The following CALB1 variants were observed in gnomAD, a reference collection of about 807,000 sequenced individuals.
CALB1 encodes calbindin 1.
In CALB1, 16 loss-of-function variants were observed where a neutral mutation model predicts 46.7. That is an observed-to-expected ratio of 0.34 (90% CI 0.23 to 0.52). The LOEUF (loss-of-function observed/expected upper bound fraction) is 0.52. Among genes scored for constraint, CALB1 ranks in the 20% least tolerant of loss-of-function variants. The probability of loss-of-function intolerance (pLI) is 0.95; values close to 1 mark genes in which losing one functional copy is unlikely to be tolerated. For missense variants in CALB1, 224 were observed against 300.3 expected (o/e 0.75, Z 1.88); for synonymous variants, 90 against 112.8 (o/e 0.80, Z 1.28).
intron 3 of CALB1, among the ~76,000 whole-genome samples, chr8:90,071,081 CACTT>C (rs1814506900): frequency 1.3e-5 from 2 of 152,114 alleles, no homozygotes; most frequent in Admixed American, 6.5e-5. Context: ...GACTGAAAAT[CACTT>C]TAATTTGGTG....
At chr8:90,072,314 A>G (rs1440380820) in intron 3 of CALB1, among the ~76,000 whole-genome samples, 3 of 152,218 alleles carry the variant, frequency 2.0e-5, no homozygotes, top group African/African-American at 7.2e-5. Flanking sequence ...CAGAGATAGT[A>G]AAAATGCTCT....
At chr8:90,071,710 A>G (rs1280734977) in intron 3 of CALB1, among the ~76,000 whole-genome samples, 1 of 152,216 alleles carries the variant, frequency 6.6e-6, no homozygotes, top group South Asian at 2.1e-4. Context: ...AATGGATGTT[A>G]TGTATACATT....
intron 9 of CALB1, 179 bp downstream of exon 9, chr8:90,062,921 G>A: frequency 2.0e-6 from 1 of 507,998 alleles, no homozygotes; most frequent in Non-Finnish European, 3.5e-6. Flanking sequence ...GAAATGACGA[G>A]TTACTCATCA....
intron 6 of CALB1, chr8:90,063,960 C>T (rs1814345745): frequency 6.5e-6 from 1 of 153,350 alleles, no homozygotes; most frequent in East Asian, 1.9e-4. Flanking sequence ...TAAAGCTCTC[C>T]AACTCTCCAC....
intron 2 of CALB1, among the ~76,000 whole-genome samples, chr8:90,080,107 G>A (rs777017577): frequency 3.3e-5 from 5 of 151,836 alleles, no homozygotes; most frequent in Non-Finnish European, 4.4e-5. Context: ...AATCCAGATT[G>A]TATTTACATT....
At chr8:90,060,555 A>G in intron 10 of CALB1, 74 bp downstream of exon 10, 1 of 1,145,940 alleles carries the variant, frequency 8.7e-7, no homozygotes, top group South Asian at 1.3e-5. Flanking sequence ...GATTTCCAAA[A>G]TGGATGTGCT....
At chr8:90,065,876 A>G in intron 6 of CALB1, 22 bp downstream of exon 6, 1 of 1,505,648 alleles carries the variant, frequency 6.6e-7, no homozygotes, top group Non-Finnish European at 9.2e-7. Context: ...CTTGGGTACA[A>G]TCTTTTCAAG....
In CALB1 at chr8:90,063,440, T is replaced by C. The variant is rs781583807; in HGVS notation, c.472A>G (p.Asn158Asp). The change falls in exon 7 of 11, where the codon AAT becomes GAT. Residue 158 changes from asparagine to aspartate, a missense_variant. Asn to Asp is a conservative substitution (Grantham distance 23). Coordinates refer to ENST00000265431, the MANE Select transcript of CALB1 (RefSeq NM_004929.4). ...TCAGTTAATTCCAGCTTCCCATCATTATTTGAATCAAATAGTTTCAGCTGA... is the reference window on the plus strand; with the variant it reads ...TCAGTTAATTCCAGCTTCCCATCATCATTTGAATCAAATAGTTTCAGCTGA... ...DLMLKLFDSN[N>D]DGKLELTEMA... 1 of 1,611,136 alleles carries C rather than the reference T, an allele frequency of 6.2e-7. No individual in the cohort carries two copies. Among genetic ancestry groups the C allele is most frequent in the Non-Finnish European group, 8.5e-7 (1 of 1,177,956 alleles).
chr8:90,061,406 T>G (rs938938563), intron 9 of CALB1: 2 of 152,142 alleles, frequency 1.3e-5, no homozygotes, highest in Non-Finnish European at 2.9e-5. Context: ...AGAACAAAAT[T>G]TTAAGGCATC....
intron 3 of CALB1, among the ~76,000 whole-genome samples, chr8:90,076,781 A>T (rs1027656409): frequency 6.6e-6 from 1 of 152,032 alleles, no homozygotes; most frequent in African/African-American, 2.4e-5. Context: ...TAGCGCTGAA[A>T]TAATAAGTCA....
At chr8:90,074,381 G>A (rs1397202204) in intron 3 of CALB1, among the ~76,000 whole-genome samples, 1 of 152,088 alleles carries the variant, frequency 6.6e-6, no homozygotes, top group Non-Finnish European at 1.5e-5. Context: ...GGCTCAAAGA[G>A]GGTAAATGGC....
chr8:90,069,228 C>T lies in CALB1; in HGVS notation c.241G>A (p.Val81Ile), dbSNP rs200376739. 31 of 1,613,158 alleles carry T rather than the reference C, an allele frequency of 1.9e-5. No individual in the cohort carries two copies. The highest frequency in any genetic ancestry group is 1.9e-4 in the African/African-American group (14 of 74,952). ...GKIGIVELAH[V>I]LPTEENFLLL... ...AGGAAATTCTCTTCTGTGGGTAATA[C>T]GTGAGCCAACTGGAAAAGATTTAAG... is the stretch of plus-strand genomic sequence containing the variant. The change falls in exon 4 of 11, where the codon GTA (valine) becomes ATA (isoleucine). Residue 81 changes from valine (V) to isoleucine (I), a missense_variant. Transcript: ENST00000265431.
chr8:90,082,745 G>T lies in CALB1; in HGVS notation c.-48C>A. 1.3e-6 allele frequency: 2 copies of T among 1,554,858 alleles called. No individual in the cohort carries two copies. The highest frequency in any genetic ancestry group is 1.8e-6 in the Non-Finnish European group (2 of 1,126,534). ...GGTGTGTGAATATGCGTGTGTCTGTGTCCGCGCGAGGGGGAGTGAGCAAAA... is the reference window on the plus strand; with the variant it reads ...GGTGTGTGAATATGCGTGTGTCTGTTTCCGCGCGAGGGGGAGTGAGCAAAA... On this transcript the variant is annotated 5_prime_UTR_variant, in exon 1 of 11. Coordinates refer to ENST00000265431, the MANE Select transcript of CALB1 (RefSeq NM_004929.4).
chr8:90,060,609 T>C lies in CALB1; in HGVS notation c.672+20A>G. The stretch of plus-strand genomic sequence containing the variant: ...CACAGAGTCTGCTTAAAGAAGTAAG[T>C]GCCATGGTAACTAAGTTACCTGTTT... On this transcript the variant is annotated intron_variant, in intron 10 of 10. Coordinates refer to ENST00000265431, the MANE Select transcript of CALB1 (RefSeq NM_004929.4). 2.5e-6 allele frequency: 4 copies of C among 1,597,930 alleles called. No individual in the cohort carries two copies. The highest frequency in any genetic ancestry group is 1.7e-5 in the Admixed American group (1 of 59,974).
At chr8:90,070,158 A>G (rs1450828820) in intron 3 of CALB1, among the ~76,000 whole-genome samples, 1 of 152,166 alleles carries the variant, frequency 6.6e-6, no homozygotes, top group Non-Finnish European at 1.5e-5. Context: ...CAGTACCCTC[A>G]TCACTAAAAC....
chr8:90,081,484 A>T (rs954438561), intron 2 of CALB1: 3 of 983,784 alleles, frequency 3.0e-6, no homozygotes, highest in Non-Finnish European at 3.6e-6. Flanking sequence ...ATAATTGGTG[A>T]TAGAGTAAGA....
chr8:90,075,937 G>C (rs1231417383), intron 3 of CALB1, among the ~76,000 whole-genome samples: 1 of 151,998 alleles, frequency 6.6e-6, no homozygotes, highest in Non-Finnish European at 1.5e-5. Context: ...TATAGAATTT[G>C]TCACTCCCTG....
chr8:90,081,483 G>A (rs1814731191), intron 2 of CALB1: 1 of 983,570 alleles, frequency 1.0e-6, no homozygotes, highest in Non-Finnish European at 1.2e-6. Flanking sequence ...AATAATTGGT[G>A]ATAGAGTAAG....
intron 3 of CALB1, 70 bp from the exon 4 acceptor site, chr8:90,069,307 T>G: frequency 8.5e-7 from 1 of 1,181,624 alleles, no homozygotes; most frequent in Non-Finnish European, 1.3e-6. Flanking sequence ...CATTACCTGC[T>G]GCTTAGTTTT....
Sources: allele counts gnomAD v4.1 joint callset (sites outside exome capture counted in the v4.1 genomes callset), GRCh38; gene constraint gnomAD v4.1.1; transcripts MANE v1.5; gene names NCBI Gene and HGNC (gene_info 2026-07-23, HGNC 2026-07-21).